FN1: variants seen among roughly 807,000 people sequenced by gnomAD.
The protein encoded by FN1 is fibronectin 1.
Under a neutral mutation model 297.3 loss-of-function variants are expected in FN1, and 106 were observed. That is an observed-to-expected ratio of 0.36 (90% CI 0.30 to 0.42). The LOEUF is 0.42. Ranked by LOEUF, FN1 falls within the 10% of genes least tolerant of loss-of-function variation. FN1 has a pLI of 1.00. For synonymous variants in FN1, 1,149 were observed against 1,152.6 expected (o/e 1.00, Z 0.06); for missense variants, 2,690 against 3,124.9 (o/e 0.86, Z 3.32).
rs2059276541 is a variant in FN1 at position 215,388,286 on chromosome 2, G to A, written c.4268C>T (p.Thr1423Ile). 2.5e-6 allele frequency: 4 copies of A among 1,613,390 alleles called. No individual in the cohort carries two copies. The highest frequency in any genetic ancestry group is 3.4e-6 in the Non-Finnish European group (4 of 1,179,328). Reference protein sequence around the residue: ...AVVLTNLLPGTEYVVSVSSVY... With the variant: ...AVVLTNLLPGIEYVVSVSSVY... ...ACTGGAGACACTCACTACATATTCT[G>A]TACCAGGCAGGAGATCTGTAGGGGC... Residue 1423 changes from threonine to isoleucine, a missense_variant, in exon 27 of 46, where the codon ACA (threonine) becomes ATA (isoleucine). Coordinates refer to ENST00000354785, the MANE Select transcript of FN1 (RefSeq NM_212482.4).
intron 9 of FN1, 129 bp from the exon 10 acceptor site, chr2:215,422,372 C>A: frequency 1.1e-6 from 1 of 908,492 alleles, no homozygotes; most frequent in East Asian, 2.4e-5. Flanking sequence ...TTGTGTGCAT[C>A]AAAGACATCT....
chr2:215,404,386 T>G lies in FN1; in HGVS notation c.3253+3A>C. ...AAGAAAAGGCACTTAATTTTCAGCT[T>G]ACGTGTGGTAAAGACTCCAGTGGCT... On this transcript the variant is annotated splice_donor_region_variant and intron_variant, in intron 20 of 45. Coordinates refer to ENST00000354785, the MANE Select transcript of FN1 (RefSeq NM_212482.4). The G allele has an allele frequency of 6.2e-7, 1 of 1,613,972 alleles. No individual in the cohort carries two copies. Among genetic ancestry groups the G allele is most frequent in the Non-Finnish European group, 8.5e-7 (1 of 1,179,854 alleles).
chr2:215,370,554 C>CAA (rs768951130), intron 40 of FN1, 122 bp from the exon 41 acceptor site: 328 of 314,474 alleles, frequency 1.0e-3, no homozygotes, highest in South Asian at 2.5e-3. Flanking sequence ...AAACAAAAAA[C>CAA]AAAAAAAAAA....
Position 215,391,692 on chromosome 2 carries a change from T to C in FN1, c.4192A>G (p.Asn1398Asp). 6.2e-7 allele frequency: 1 copy of C among 1,614,128 alleles called. No individual in the cohort carries two copies. Among genetic ancestry groups the C allele is most frequent in the Non-Finnish European group, 8.5e-7 (1 of 1,180,000 alleles). The change falls in exon 26 of 46, where the codon AAT (asparagine) becomes GAT (aspartate). Residue 1398 changes from asparagine to aspartate, a missense_variant. Around this residue, in one of 3 missense-constraint regions of FN1, gnomAD observed 1,743 missense variants for 1,945.2 expected, o/e 0.90. Transcript: ENST00000354785. The part of the protein sequence containing the change: ...NFLVRYSPVK[N>D]EEDVAELSIS... Reference sequence around the variant, plus strand: ...GACAACTCTGCAACATCTTCCTCATTTTTCACAGGTGAGTAACGCACCAGG... The same window carrying C: ...GACAACTCTGCAACATCTTCCTCATCTTTCACAGGTGAGTAACGCACCAGG...
intron 20 of FN1, among the ~76,000 whole-genome samples, chr2:215,401,238 G>GAAAGAAAGAAA (rs1468934882): frequency 3.6e-5 from 2 of 55,122 alleles, no homozygotes; most frequent in African/African-American, 1.7e-4. Context: ...AAGAAAGAAA[G>GAAAGAAAGAAA]AAAGAAAGAA....
chr2:215,373,307 G>C lies in FN1; in HGVS notation c.6247+15C>G. On this transcript the variant is annotated intron_variant, in intron 39 of 45. Coordinates refer to ENST00000354785, the MANE Select transcript of FN1 (RefSeq NM_212482.4). ...TGTCCTATCTTTCTCCTTGTTACCT[G>C]CAAGATACTCTTACCTGTCTTTTTC... 6.3e-7 allele frequency: 1 copy of C among 1,598,454 alleles called. No individual in the cohort carries two copies. Among genetic ancestry groups the C allele is most frequent in the Non-Finnish European group, 8.6e-7 (1 of 1,166,176 alleles).
intron 26 of FN1, among the ~76,000 whole-genome samples, chr2:215,389,322 C>G (rs2059419271): frequency 6.6e-6 from 1 of 152,006 alleles, no homozygotes; most frequent in Admixed American, 6.6e-5. Flanking sequence ...CAGGCTTGGA[C>G]TGGAAATCCT....
At chr2:215,413,146 G>A (rs928758126) in intron 13 of FN1, among the ~76,000 whole-genome samples, 10 of 151,946 alleles carry the variant, frequency 6.6e-5, no homozygotes, top group Non-Finnish European at 1.2e-4. Context: ...ACAGAATCTC[G>A]CTCTGTTGCC....
At chr2:215,433,111 C>A (rs139946839) in intron 3 of FN1, among the ~76,000 whole-genome samples, 10 of 152,100 alleles carry the variant, frequency 6.6e-5, no homozygotes, top group African/African-American at 2.4e-4. Flanking sequence ...CACTCATAAA[C>A]GCACACACAT....
intron 33 of FN1, 184 bp from the exon 34 acceptor site, chr2:215,379,501 A>AG (rs2057898578): frequency 1.7e-6 from 1 of 601,490 alleles, no homozygotes; most frequent in Admixed American, 2.7e-5. Context: ...GTGTTTGCTG[A>AG]GAAATGTGTT....
chr2:215,388,451 G>C, intron 26 of FN1, 150 bp from the exon 27 acceptor site: 2 of 701,394 alleles, frequency 2.9e-6, no homozygotes, highest in Non-Finnish European at 5.2e-6. Flanking sequence ...GAAGTGTTCA[G>C]TGAACAGACC....
At position 215,388,271 on chromosome 2, in the gene FN1, C is replaced by G; in HGVS notation, c.4283G>C (p.Ser1428Thr). 2 of 1,613,956 alleles carry G rather than the reference C, an allele frequency of 1.2e-6. No individual in the cohort carries two copies. The highest frequency in any genetic ancestry group is 1.7e-6 in the Non-Finnish European group (2 of 1,179,822). ...ATGTTGTTCGTAGACACTGGAGACA[C>G]TCACTACATATTCTGTACCAGGCAG... Reference protein sequence around the residue: ...NLLPGTEYVVSVSSVYEQHES... With the variant: ...NLLPGTEYVVTVSSVYEQHES... The change falls in exon 27 of 46, where the codon AGT becomes ACT. Residue 1428 changes from serine to threonine, a missense_variant. Transcript: ENST00000354785.
chr2:215,435,708 T>G lies in FN1; in HGVS notation c.95A>C (p.Gln32Pro). ...CTGGGGCTGAACCATTTGCTGAGCC[T>G]GCCTCTTGCTCTTCGAGGCTCCCGT... ...PSTGASKSKRQAQQMVQPQSP... is the reference protein window; with the variant it reads ...PSTGASKSKRPAQQMVQPQSP... The change falls in exon 1 of 46, where the codon CAG becomes CCG. Residue 32 changes from glutamine to proline, a missense_variant. Coordinates refer to ENST00000354785, the MANE Select transcript of FN1 (RefSeq NM_212482.4). 1 of 1,612,774 alleles carries G rather than the reference T, an allele frequency of 6.2e-7. No individual in the cohort carries two copies. The highest frequency in any genetic ancestry group is 8.5e-7 in the Non-Finnish European group (1 of 1,179,732).
In FN1 at chr2:215,361,343, A is replaced by T. The variant is rs1288647914; in HGVS notation, c.*212T>A. The T allele has an allele frequency of 1.0e-5, 6 of 597,850 alleles. No homozygotes were observed. In the East Asian group the frequency reaches 1.7e-4, roughly 17 times the overall value. The allele number at this position is 597,850 out of a possible 1,614,324, so 37.0% of individuals were successfully genotyped here. On this transcript the variant is annotated 3_prime_UTR_variant, in exon 46 of 46. Transcript: ENST00000354785. ...TTGAATACTTCGAAGCAGAACAGGC[A>T]ATGTGCAGCCCTCATTTATGAGAAA... is the stretch of plus-strand genomic sequence containing the variant.
chr2:215,422,197 A>C lies in FN1; in HGVS notation c.1440T>G (p.Ile480Met). The change falls in exon 10 of 46, where the codon ATT (isoleucine) becomes ATG (methionine). Residue 480 changes from isoleucine to methionine, a missense_variant. This residue lies in a region of FN1 where 876 missense variants were observed against 1,058.1 expected (regional missense o/e 0.83). Transcript: ENST00000354785. ...CATGCTGCTTATCCCACTGATCTCC[A>C]ATGCGGTACATGACCCCTTCATTGG... ...CTTNEGVMYR[I>M]GDQWDKQHDM... The C allele has an allele frequency of 1.2e-6, 2 of 1,613,992 alleles. No homozygotes were observed. Among genetic ancestry groups the C allele is most frequent in the Non-Finnish European group, 8.5e-7 (1 of 1,179,864 alleles).
At chr2:215,371,803 A>T in intron 40 of FN1, 106 bp downstream of exon 40, 1 of 962,686 alleles carries the variant, frequency 1.0e-6, no homozygotes, top group South Asian at 1.3e-5. Flanking sequence ...GTGAGCCATC[A>T]CACCCGGCCA....
intron 35 of FN1, 93 bp from the exon 36 acceptor site, chr2:215,376,767 T>G (rs2057350123): frequency 2.8e-6 from 3 of 1,079,216 alleles, no homozygotes; most frequent in Non-Finnish European, 4.2e-6. Context: ...TATATCAAAT[T>G]CATCCATTTC....
intron 6 of FN1, 57 bp from the exon 7 acceptor site, chr2:215,425,342 T>G: frequency 3.9e-6 from 6 of 1,519,714 alleles, no homozygotes; most frequent in Non-Finnish European, 5.5e-6. Flanking sequence ...AATTCACTAC[T>G]TTCTGCAGTC....
chr2:215,426,529 C>A lies in FN1; in HGVS notation c.845-1244G>T, dbSNP rs150044195. Among the ~76,000 whole-genome samples, 205 of 152,216 alleles carry A rather than the reference C, an allele frequency of 1.3e-3. 1 individual carries two copies. Among genetic ancestry groups the A allele is most frequent in the African/African-American group, 4.7e-3 (197 of 41,538 alleles). On this transcript the variant is annotated intron_variant, in intron 6 of 45. Transcript: ENST00000354785. ...GAACAGAATCAGGGCTGAGGCTAGA[C>A]CAAAGGTACACTGAATTCAGTGCCT...
Sources: allele counts gnomAD v4.1 joint callset (sites outside exome capture counted in the v4.1 genomes callset), GRCh38; gene constraint gnomAD v4.1.1; regional missense constraint gnomAD v4.1.1; transcripts MANE v1.5; gene names NCBI Gene and HGNC (gene_info 2026-07-23, HGNC 2026-07-21).